The following INSR variants were observed in gnomAD, a reference collection of about 807,000 sequenced individuals.
The protein encoded by INSR is insulin receptor.
INSR carries 67 observed loss-of-function variants against 142.6 expected under a neutral mutation model. The observed-to-expected ratio is 0.47, with a 90% CI of 0.39 to 0.58. INSR has a LOEUF of 0.58. Among genes scored for constraint, INSR ranks in the 20% least tolerant of loss-of-function variants. INSR has a pLI of 0.00. For missense variants in INSR, 1,248 were observed against 1,833.2 expected (o/e 0.68, Z 5.83); for synonymous variants, 756 against 743.1 (o/e 1.02, Z -0.28).
intron 9 of INSR, among the ~76,000 whole-genome samples, chr19:7,160,751 A>T (rs1480451708): frequency 6.6e-6 from 1 of 152,050 alleles, no homozygotes; most frequent in East Asian, 1.9e-4. Context: ...TAATCCCAGC[A>T]CTTTGGGAGG....
chr19:7,261,333 CAT>C (rs1397650001), intron 2 of INSR, among the ~76,000 whole-genome samples: 1 of 152,122 alleles, frequency 6.6e-6, no homozygotes, highest in Non-Finnish European at 1.5e-5. Flanking sequence ...CGCCCCAGAA[CAT>C]GACACCTAGT....
chr19:7,151,995 G>A (rs1427861366), intron 10 of INSR: 1 of 147,674 alleles, frequency 6.8e-6, no homozygotes, highest in Non-Finnish European at 1.5e-5. Flanking sequence ...TGGTAGCGAT[G>A]GGGTCTCATT....
intron 1 of INSR, among the ~76,000 whole-genome samples, chr19:7,277,863 G>A (rs1600124136): frequency 6.6e-6 from 1 of 151,594 alleles, no homozygotes; most frequent in Non-Finnish European, 1.5e-5. Context: ...AGGCCCAGGC[G>A]GGCAGATCAC....
chr19:7,261,759 G>A lies in INSR; in HGVS notation c.652+5586C>T, dbSNP rs146930541. On this transcript the variant is annotated intron_variant, in intron 2 of 21. Coordinates refer to ENST00000302850, the MANE Select transcript of INSR (RefSeq NM_000208.4). Reference sequence around the variant, plus strand: ...TTAGCCAGGCTGGTCTCGAACTCCTGACCTCAAGCGATCCACCTACCTCGG... The same window carrying A: ...TTAGCCAGGCTGGTCTCGAACTCCTAACCTCAAGCGATCCACCTACCTCGG... Among the ~76,000 whole-genome samples the A allele has an allele frequency of 4.0e-3, 610 of 152,216 alleles. 6 individuals carry two copies. Among genetic ancestry groups the A allele is most frequent in the African/African-American group, 0.014 (564 of 41,544 alleles).
chr19:7,262,544 T>C (rs540290978), intron 2 of INSR, among the ~76,000 whole-genome samples: 2 of 152,310 alleles, frequency 1.3e-5, no homozygotes, highest in East Asian at 3.9e-4. Context: ...AAAAGCTAGA[T>C]GCGTCAACAG....
At chr19:7,132,626 T>C (rs947851691) in intron 13 of INSR, among the ~76,000 whole-genome samples, 1 of 95,582 alleles carries the variant, frequency 1.0e-5, no homozygotes, top group Middle Eastern at 8.2e-3. Flanking sequence ...AGTTTCACTC[T>C]TGTTGCCCAG....
At chr19:7,274,477 C>T (rs114017253) in intron 1 of INSR, among the ~76,000 whole-genome samples, 1,551 of 151,412 alleles carry the variant, frequency 0.01, 32 homozygotes, top group African/African-American at 0.036. Flanking sequence ...CAGCCCATCT[C>T]GAAACGGAGG....
chr19:7,250,896 C>T (rs548189034), intron 2 of INSR, among the ~76,000 whole-genome samples: 9 of 151,310 alleles, frequency 5.9e-5, no homozygotes, highest in South Asian at 4.2e-4. Flanking sequence ...GTCCCAGGAA[C>T]GTACGATCAG....
chr19:7,120,609 A>ACACAACT lies in INSR; in HGVS notation c.3659+4_3659+10dup. 2 of 1,613,904 alleles carry ACACAACT rather than the reference A, an allele frequency of 1.2e-6. No homozygotes were observed. The highest frequency in any genetic ancestry group is 1.7e-6 in the Non-Finnish European group (2 of 1,179,876). ...GCCCAGCGTCCATCCACCCATCCAC[A>ACACAACT]CACAACTCACCACATGTCAGAAGAA... On this transcript the variant is annotated intron_variant, in intron 20 of 21. Transcript: ENST00000302850.
At chr19:7,209,328 T>C (rs73488778) in intron 2 of INSR, among the ~76,000 whole-genome samples, 13,628 of 152,176 alleles carry the variant, frequency 0.09, 1,828 homozygotes, top group African/African-American at 0.3. Flanking sequence ...CTCTCACCTC[T>C]CTCCAGGCAG....
intron 2 of INSR, among the ~76,000 whole-genome samples, chr19:7,207,673 A>T (rs1975142157): frequency 6.6e-6 from 1 of 151,978 alleles, no homozygotes; most frequent in Admixed American, 6.6e-5. Flanking sequence ...CTGTAATCCC[A>T]GCACTTTGGG....
Position 7,184,662 on chromosome 19 carries a change from G to A in INSR, c.653-25C>T, listed in dbSNP as rs3997565. On this transcript the variant is annotated intron_variant, in intron 2 of 21. Transcript: ENST00000302850. ...ACTGGAGAGAGAGAGAGAGAGAGAG[G>A]GAAATAAATAAATAAATAAATAAAT... is the stretch of plus-strand genomic sequence containing the variant. The A allele has an allele frequency of 8.5e-4, 834 of 982,090 alleles. 2 individuals carry two copies. In the African/African-American group the frequency reaches 0.013, roughly 15 times the overall value. 60.8% of individuals were successfully genotyped at this position (982,090 alleles called of 1,614,324 possible).
intron 13 of INSR, among the ~76,000 whole-genome samples, chr19:7,140,231 A>C (rs933787608): frequency 6.6e-6 from 1 of 152,214 alleles, no homozygotes; most frequent in Admixed American, 6.5e-5. Context: ...TGGTTATAGG[A>C]GGACTCCCTC....
At chr19:7,147,044 T>A (rs1332377640) in intron 11 of INSR, among the ~76,000 whole-genome samples, 2 of 152,194 alleles carry the variant, frequency 1.3e-5, no homozygotes, top group Non-Finnish European at 1.5e-5. Flanking sequence ...CTAAGTAACA[T>A]CAAAGCCAAG....
intron 9 of INSR, among the ~76,000 whole-genome samples, chr19:7,158,269 G>A (rs930489277): frequency 3.2e-4 from 48 of 152,102 alleles, no homozygotes; most frequent in Middle Eastern, 6.8e-3. Flanking sequence ...GGGAGGCCAA[G>A]GTGGGCAGAT....
chr19:7,277,658 G>A (rs1482630551), intron 1 of INSR, among the ~76,000 whole-genome samples: 5 of 152,162 alleles, frequency 3.3e-5, no homozygotes, highest in Admixed American at 6.6e-5. Flanking sequence ...ATAGCCAGGC[G>A]TGGTGAGGCG....
intron 13 of INSR, among the ~76,000 whole-genome samples, chr19:7,137,752 A>C (rs1972968318): frequency 7.9e-6 from 1 of 126,472 alleles, no homozygotes; most frequent in South Asian, 2.8e-4. Flanking sequence ...GCACCACTGC[A>C]CTCCAGCCCG....
chr19:7,204,610 C>T (rs753344151), intron 2 of INSR, among the ~76,000 whole-genome samples: 131 of 152,252 alleles, frequency 8.6e-4, no homozygotes, highest in Middle Eastern at 3.4e-3. Context: ...TAATCAAGAC[C>T]CACCTTGCAG....
chr19:7,175,151 C>T (rs897198747), intron 3 of INSR, among the ~76,000 whole-genome samples: 2 of 151,996 alleles, frequency 1.3e-5, no homozygotes, highest in Non-Finnish European at 2.9e-5. Context: ...GCCCTTTCTG[C>T]CTGAGATGAT....
Sources: gnomAD v4.1 joint callset for allele counts (sites outside exome capture counted in the v4.1 genomes callset) on GRCh38, gnomAD v4.1.1 for gene constraint, MANE v1.5 for transcripts, NCBI Gene and HGNC (gene_info 2026-07-23, HGNC 2026-07-21) for gene names.